LEO1: variants seen among roughly 807,000 people sequenced by gnomAD.
LEO1 encodes the protein LEO1 component of Paf1/RNA polymerase II complex.
In LEO1, 34 loss-of-function variants were observed where a neutral mutation model predicts 80.4. That is an observed-to-expected ratio of 0.42 (90% CI 0.32 to 0.56). The LOEUF is 0.56. Ranked by LOEUF, LEO1 falls within the 20% of genes least tolerant of loss-of-function variation. The probability of loss-of-function intolerance (pLI) is 0.10; values close to 1 mark genes in which losing one functional copy is unlikely to be tolerated. For synonymous variants in LEO1, 262 were observed against 274.9 expected (o/e 0.95, Z 0.46); for missense variants, 631 against 814.2 (o/e 0.77, Z 2.74).
At chr15:51,967,260 G>A (rs1455863417) in intron 1 of LEO1, among the ~76,000 whole-genome samples, 1 of 152,202 alleles carries the variant, frequency 6.6e-6, no homozygotes, top group African/African-American at 2.4e-5. Flanking sequence ...ATCACTTGAG[G>A]TCAGGAGTTC....
chr15:51,959,632 T>C (rs976404215), intron 5 of LEO1, among the ~76,000 whole-genome samples: 7 of 152,318 alleles, frequency 4.6e-5, no homozygotes, highest in South Asian at 4.1e-4. Flanking sequence ...TTTTCAGGGT[T>C]GTACTAATTA....
At chr15:51,958,028 A>T (rs547883305) in intron 6 of LEO1, among the ~76,000 whole-genome samples, 16 of 152,282 alleles carry the variant, frequency 1.1e-4, no homozygotes, top group Admixed American at 5.9e-4. Flanking sequence ...CTCAAAAAAA[A>T]ATATATAAAT....
At chr15:51,954,831 G>A (rs2056976080) in intron 6 of LEO1, 1 of 411,590 alleles carries the variant, frequency 2.4e-6, no homozygotes, top group Non-Finnish European at 4.4e-6. Flanking sequence ...TAGAGCATTT[G>A]AGCAGATGGC....
At chr15:51,943,950 A>T (rs1379214187) in intron 11 of LEO1, among the ~76,000 whole-genome samples, 1 of 152,174 alleles carries the variant, frequency 6.6e-6, no homozygotes, top group Non-Finnish European at 1.5e-5. Context: ...AAGAAAAATG[A>T]ATAGTCCCAG....
intron 6 of LEO1, chr15:51,954,798 G>C: frequency 2.0e-6 from 1 of 511,198 alleles, no homozygotes; most frequent in Non-Finnish European, 3.5e-6. Flanking sequence ...TGAGCTCCTA[G>C]AATCATAATC....
rs529276674 is a variant in LEO1 at position 51,943,898 on chromosome 15, C to T, written c.1896+3394G>A. 4.0e-5 allele frequency among the ~76,000 whole-genome samples: 6 copies of T among 151,406 alleles called. No individual in the cohort carries two copies. The East Asian group carries it at 7.8e-4, about 20-fold the overall frequency. ...ACTAGGATCAGCAGACTTGATGGAT[C>T]GACAGAGATTATGCAATCTGAAGAA... On this transcript the variant is annotated intron_variant, in intron 11 of 11. Coordinates refer to ENST00000299601, the MANE Select transcript of LEO1 (RefSeq NM_138792.4).
intron 10 of LEO1, among the ~76,000 whole-genome samples, chr15:51,948,925 G>C (rs952709235): frequency 2.0e-5 from 3 of 152,194 alleles, no homozygotes; most frequent in Non-Finnish European, 4.4e-5. Context: ...GATGACTTTG[G>C]TTTAAGAACT....
At chr15:51,950,949 C>A (rs1049098972) in intron 9 of LEO1, among the ~76,000 whole-genome samples, 1 of 152,206 alleles carries the variant, frequency 6.6e-6, no homozygotes, top group South Asian at 2.1e-4. Flanking sequence ...GGAAATGGAA[C>A]AAGCCCAGCT....
At position 51,965,768 on chromosome 15, in the gene LEO1, C is replaced by G; in HGVS notation, c.795G>C (p.Glu265Asp). The G allele has an allele frequency of 6.2e-7, 1 of 1,609,028 alleles. No homozygotes were observed. Among genetic ancestry groups the G allele is most frequent in the Non-Finnish European group, 8.5e-7 (1 of 1,178,128 alleles). Residue 265 changes from glutamate to aspartate, a missense_variant, in exon 2 of 12, where the codon GAG (glutamate) becomes GAC (aspartate). Coordinates refer to ENST00000299601, the MANE Select transcript of LEO1 (RefSeq NM_138792.4). Reference sequence around the variant, plus strand: ...TATTACCTGATTTATGATCCTGTTCCTCTTCATCATCTGAATGCCTGTGTT... The same window carrying G: ...TATTACCTGATTTATGATCCTGTTCGTCTTCATCATCTGAATGCCTGTGTT... The part of the protein sequence containing the change: ...DEEHRHSDDE[E>D]EQDHKSESAR...
At chr15:51,968,428 C>T (rs1156682635) in intron 1 of LEO1, among the ~76,000 whole-genome samples, 3 of 152,050 alleles carry the variant, frequency 2.0e-5, no homozygotes, top group African/African-American at 7.3e-5. Context: ...GTAATCCCAG[C>T]TACTGGGAAT....
chr15:51,951,776 C>A, intron 9 of LEO1, 68 bp downstream of exon 9: 1 of 1,394,080 alleles, frequency 7.2e-7, no homozygotes, highest in Non-Finnish European at 1.0e-6. Flanking sequence ...GACGAACAAG[C>A]ATTTTGGGAA....
At chr15:51,942,244 T>C (rs900590794) in intron 11 of LEO1, among the ~76,000 whole-genome samples, 1 of 152,032 alleles carries the variant, frequency 6.6e-6, no homozygotes, top group Non-Finnish European at 1.5e-5. Context: ...AAATTTTTGT[T>C]GTCAGGGAAG....
chr15:51,952,050 A>G, intron 8 of LEO1, 71 bp from the exon 9 acceptor site: 2 of 1,417,016 alleles, frequency 1.4e-6, no homozygotes, highest in South Asian at 2.6e-5. Context: ...TACCCACGTC[A>G]CAGAAGTAAG....
At chr15:51,940,892 G>C (rs1238165157) in intron 11 of LEO1, among the ~76,000 whole-genome samples, 1 of 152,142 alleles carries the variant, frequency 6.6e-6, no homozygotes, top group Non-Finnish European at 1.5e-5. Flanking sequence ...GAGGTCAGGA[G>C]TTAGAGACCT....
intron 11 of LEO1, 40 bp downstream of exon 11, chr15:51,947,252 T>A (rs1448507717): frequency 3.7e-6 from 5 of 1,368,334 alleles, no homozygotes; most frequent in Non-Finnish European, 5.2e-6. Context: ...GGCTCCTGAG[T>A]ACAGGATAAA....
rs773784930 is a variant in LEO1, at chr15:51,938,183, G to A, written c.1974C>T (p.Ser658=). The change falls in exon 12 of 12, where the codon AGC becomes AGT. Residue 658 remains serine, a synonymous_variant. Coordinates refer to ENST00000299601, the MANE Select transcript of LEO1 (RefSeq NM_138792.4). ...ANKKHKKYVI[S]DEEEEDDD ...AATCATCATCTTCTTCCTCTTCATC[G>A]CTGATCACATACTTCTTATGCTTTT... 1.9e-5 allele frequency: 30 copies of A among 1,599,028 alleles called. No homozygotes were observed. The highest frequency in any genetic ancestry group is 2.5e-5 in the Non-Finnish European group (29 of 1,168,692).
At chr15:51,963,145 G>A (rs1285580365) in intron 2 of LEO1, among the ~76,000 whole-genome samples, 3 of 151,962 alleles carry the variant, frequency 2.0e-5, no homozygotes, top group Non-Finnish European at 2.9e-5. Context: ...GTGTGGTAGC[G>A]TGCACCTGTA....
chr15:51,968,197 A>C (rs1372838738), intron 1 of LEO1, among the ~76,000 whole-genome samples: 3 of 151,964 alleles, frequency 2.0e-5, no homozygotes, highest in Admixed American at 6.6e-5. Context: ...AAATAAATAA[A>C]TACATAATAT....
chr15:51,942,113 C>G (rs1398122678), intron 11 of LEO1, among the ~76,000 whole-genome samples: 1 of 152,132 alleles, frequency 6.6e-6, no homozygotes, highest in Non-Finnish European at 1.5e-5. Context: ...GTGCAAAGCA[C>G]AGAGAGGGAC....
Sources: allele counts gnomAD v4.1 joint callset (sites outside exome capture counted in the v4.1 genomes callset), GRCh38; gene constraint gnomAD v4.1.1; transcripts MANE v1.5; gene names NCBI Gene and HGNC (gene_info 2026-07-23, HGNC 2026-07-21).